The following CACNA2D1 variants were observed in gnomAD, a reference collection of about 807,000 sequenced individuals.
CACNA2D1 encodes calcium voltage-gated channel auxiliary subunit alpha2delta 1, also known as voltage-dependent calcium channel subunit alpha-2/delta-1.
Under a neutral mutation model 171.5 loss-of-function variants are expected in CACNA2D1, and 53 were observed. The ratio of observed to expected loss-of-function variants is 0.31; its 90% CI spans 0.25 to 0.39. The LOEUF (loss-of-function observed/expected upper bound fraction) is 0.39. Among genes scored for constraint, CACNA2D1 ranks in the 10% least tolerant of loss-of-function variants. CACNA2D1 has a pLI of 1.00. For synonymous variants in CACNA2D1, 442 were observed against 443.1 expected (o/e 1.00, Z 0.03); for missense variants, 903 against 1,299.8 (o/e 0.69, Z 4.69).
chr7:82,138,086 T>G (rs1360305907), intron 4 of CACNA2D1, among the ~76,000 whole-genome samples: 2 of 152,154 alleles, frequency 1.3e-5, no homozygotes, highest in African/African-American at 4.8e-5. Context: ...TCGGCAGAAC[T>G]TCACAGAGAC....
intron 3 of CACNA2D1, among the ~76,000 whole-genome samples, chr7:82,183,582 T>G (rs1350610182): frequency 6.6e-6 from 1 of 152,092 alleles, no homozygotes. Context: ...TTCTATAAAA[T>G]GGAGAGAAAT....
chr7:82,095,019 T>C (rs1243588267), intron 6 of CACNA2D1, among the ~76,000 whole-genome samples: 1 of 152,206 alleles, frequency 6.6e-6, no homozygotes, highest in Non-Finnish European at 1.5e-5. Context: ...AAAGCTGGTC[T>C]TTTATGACTG....
At chr7:82,403,123 A>T (rs780250752) in intron 1 of CACNA2D1, among the ~76,000 whole-genome samples, 6 of 152,290 alleles carry the variant, frequency 3.9e-5, no homozygotes, top group Admixed American at 6.5e-5. Context: ...CTATTAGCAA[A>T]GAAAAGAAAG....
chr7:82,398,582 C>CA (rs948392200), intron 1 of CACNA2D1, among the ~76,000 whole-genome samples: 1 of 144,570 alleles, frequency 6.9e-6, no homozygotes, highest in African/African-American at 2.5e-5. Context: ...TTTCTTTCTC[C>CA]TTTTTTTTTT....
chr7:81,971,019 A>C (rs1795212582), intron 26 of CACNA2D1: 3 of 395,154 alleles, frequency 7.6e-6, no homozygotes, highest in Non-Finnish European at 1.4e-5. Context: ...GTAGAGAGGA[A>C]TGTATACATA....
intron 3 of CACNA2D1, among the ~76,000 whole-genome samples, chr7:82,289,778 T>C (rs1028792868): frequency 5.3e-5 from 8 of 152,282 alleles, no homozygotes; most frequent in East Asian, 1.9e-4. Flanking sequence ...GTCTTTCTAA[T>C]GTTTATATCC....
intron 5 of CACNA2D1, among the ~76,000 whole-genome samples, chr7:82,128,300 C>T (rs1020830074): frequency 6.6e-6 from 1 of 152,102 alleles, no homozygotes; most frequent in African/African-American, 2.4e-5. Flanking sequence ...TTATATTATA[C>T]AATCGTAAGG....
At position 82,443,470 on chromosome 7, in the gene CACNA2D1, G is replaced by C. The variant is rs565507380; in HGVS notation, c.-11C>G. ...GCAGCCAGCAGCCATCTTCGCGATC[G>C]AAGATCAATGCCCCCTCCCTGCCCA... On this transcript the variant is annotated 5_prime_UTR_variant, in exon 1 of 39. Coordinates refer to ENST00000356860, the MANE Select transcript of CACNA2D1 (RefSeq NM_000722.4). 1.7e-4 allele frequency: 274 copies of C among 1,606,486 alleles called. No individual in the cohort carries two copies. The South Asian group carries it at 2.2e-3, about 13-fold the overall frequency.
At chr7:82,230,490 G>A (rs1166839173) in intron 3 of CACNA2D1, among the ~76,000 whole-genome samples, 2 of 152,116 alleles carry the variant, frequency 1.3e-5, no homozygotes, top group Non-Finnish European at 2.9e-5. Flanking sequence ...TGCTGGAAAT[G>A]TATCTAAGAC....
At chr7:82,405,841 G>T (rs545216517) in intron 1 of CACNA2D1, among the ~76,000 whole-genome samples, 2 of 152,212 alleles carry the variant, frequency 1.3e-5, no homozygotes, top group Admixed American at 1.3e-4. Flanking sequence ...AGGAGCCCTG[G>T]CTCAGAAATC....
At chr7:82,416,137 C>A (rs759149107) in intron 1 of CACNA2D1, among the ~76,000 whole-genome samples, 2 of 152,004 alleles carry the variant, frequency 1.3e-5, no homozygotes, top group Non-Finnish European at 1.5e-5. Context: ...ATCACTTCAA[C>A]CTGGGAGGCA....
chr7:82,422,710 T>A (rs1828819104), intron 1 of CACNA2D1, among the ~76,000 whole-genome samples: 1 of 152,066 alleles, frequency 6.6e-6, no homozygotes, highest in African/African-American at 2.4e-5. Flanking sequence ...TATAATGTAG[T>A]AAGGACTGCA....
chr7:82,302,281 C>A (rs1813111216), intron 3 of CACNA2D1, among the ~76,000 whole-genome samples: 1 of 152,060 alleles, frequency 6.6e-6, no homozygotes, highest in Non-Finnish European at 1.5e-5. Context: ...TAAATGGTAA[C>A]CCCTAATGTA....
chr7:82,205,552 T>A (rs1210096837), intron 3 of CACNA2D1, among the ~76,000 whole-genome samples: 10 of 151,644 alleles, frequency 6.6e-5, no homozygotes, highest in African/African-American at 1.9e-4. Flanking sequence ...ATTACCTTTT[T>A]AAAAAAAAAT....
At chr7:82,380,774 G>A (rs1028487464) in intron 1 of CACNA2D1, among the ~76,000 whole-genome samples, 19 of 151,746 alleles carry the variant, frequency 1.3e-4, no homozygotes, top group Admixed American at 4.6e-4. Context: ...GGCTCACTGC[G>A]ACCTCCGCCT....
At chr7:82,393,083 AAGGCAGGCAGGCAGGC>A (rs1204828684) in intron 1 of CACNA2D1, among the ~76,000 whole-genome samples, 5 of 82,412 alleles carry the variant, frequency 6.1e-5, no homozygotes, top group Admixed American at 3.6e-4. Context: ...GGAAGGAAGG[AAGGCAGGCAGGCAGGC>A]AGGCAGGCAG....
At chr7:81,965,476 A>C in intron 32 of CACNA2D1, 118 bp downstream of exon 32, 1 of 733,230 alleles carries the variant, frequency 1.4e-6, no homozygotes, top group East Asian at 2.5e-5. Flanking sequence ...TTTACAAATT[A>C]TTGTATGACA....
At chr7:82,011,428 C>A (rs1473784875) in intron 15 of CACNA2D1, among the ~76,000 whole-genome samples, 1 of 152,094 alleles carries the variant, frequency 6.6e-6, no homozygotes, top group Non-Finnish European at 1.5e-5. Context: ...ATCAAAAATG[C>A]AGATTTTTTC....
intron 35 of CACNA2D1, 77 bp from the exon 36 acceptor site, chr7:81,962,100 C>G (rs551910593): frequency 1.5e-6 from 2 of 1,370,650 alleles, no homozygotes; most frequent in East Asian, 2.3e-5. Flanking sequence ...CTCGAGTCTT[C>G]ACTTCTCACA....
Sources: allele counts gnomAD v4.1 joint callset (sites outside exome capture counted in the v4.1 genomes callset), GRCh38; gene constraint gnomAD v4.1.1; transcripts MANE v1.5; gene names NCBI Gene and HGNC (gene_info 2026-07-23, HGNC 2026-07-21).